Variants in PLCL1 observed in about 807,000 individuals in gnomAD.
PLCL1 encodes the protein phospholipase C like 1 (inactive), also known as inactive phospholipase C-like protein 1.
In PLCL1, 41 loss-of-function variants were observed where a neutral mutation model predicts 84.4. The observed-to-expected ratio is 0.49, with a 90% CI of 0.38 to 0.63. The LOEUF (loss-of-function observed/expected upper bound fraction) is 0.63. PLCL1 is among the 30% of genes least tolerant of loss of function. The pLI is 0.00. For missense variants in PLCL1, 1,206 were observed against 1,367.8 expected, an observed-to-expected ratio of 0.88 and a Z score of 1.87; for synonymous variants, 490 against 488.3, an observed-to-expected ratio of 1.00 and a Z score of -0.05.
chr2:198,081,604 A>G (rs1692716042), intron 1 of PLCL1, among the ~76,000 whole-genome samples: 1 of 152,210 alleles, frequency 6.6e-6, no homozygotes. Context: ...TGCAGGAGCT[A>G]AGTTGTCAAA....
intron 1 of PLCL1, among the ~76,000 whole-genome samples, chr2:198,001,263 T>G (rs1250420012): frequency 2.0e-5 from 3 of 152,234 alleles, no homozygotes; most frequent in Non-Finnish European, 2.9e-5. Context: ...AGTGAAGTGC[T>G]GCTGTCACAT....
Position 198,086,155 on chromosome 2 carries a change from C to A in PLCL1, c.2638C>A (p.Leu880Ile). The A allele has an allele frequency of 6.2e-7, 1 of 1,613,720 alleles. No homozygotes were observed. The highest frequency in any genetic ancestry group is 1.1e-5 in the South Asian group (1 of 91,072). ...REYTMLRNIGLKTIDDIFKIA... is the reference protein window; with the variant it reads ...REYTMLRNIGIKTIDDIFKIA... ...ATATACCATGCTCAGGAATATCGGT[C>A]TTAAAACCATTGATGACATCTTTAA... The change falls in exon 2 of 6, where the codon CTT becomes ATT. Residue 880 changes from leucine to isoleucine, a missense_variant. Leu to Ile is a conservative substitution (Grantham distance 5, BLOSUM62 2). Transcript: ENST00000428675.
intron 1 of PLCL1, among the ~76,000 whole-genome samples, chr2:197,867,225 C>G (rs1687565887): frequency 6.6e-6 from 1 of 152,190 alleles, no homozygotes; most frequent in African/African-American, 2.4e-5. Context: ...CCTGGCCTGA[C>G]TGATGTGGGC....
chr2:197,862,177 A>G (rs186111122), intron 1 of PLCL1, among the ~76,000 whole-genome samples: 1 of 152,322 alleles, frequency 6.6e-6, no homozygotes, highest in African/African-American at 2.4e-5. Flanking sequence ...TTAAATGATT[A>G]TGAGAATCAA....
At chr2:197,882,453 A>G (rs1379151884) in intron 1 of PLCL1, among the ~76,000 whole-genome samples, 2 of 152,146 alleles carry the variant, frequency 1.3e-5, no homozygotes, top group African/African-American at 2.4e-5. Flanking sequence ...TATACTTTCT[A>G]TTACCTGTTT....
chr2:198,093,766 C>G (rs1017530475), intron 3 of PLCL1, among the ~76,000 whole-genome samples: 1 of 152,078 alleles, frequency 6.6e-6, no homozygotes, highest in Non-Finnish European at 1.5e-5. Context: ...CAAATGTTTT[C>G]TTTTTTCAGT....
intron 1 of PLCL1, among the ~76,000 whole-genome samples, chr2:198,040,809 A>G (rs536517756): frequency 7.0e-4 from 106 of 152,320 alleles, no homozygotes; most frequent in African/African-American, 2.4e-3. Context: ...TGTGCCTTCA[A>G]TTGGTCTTCT....
chr2:198,100,819 A>G (rs1693313993), intron 3 of PLCL1, among the ~76,000 whole-genome samples: 2 of 151,692 alleles, frequency 1.3e-5, no homozygotes, highest in African/African-American at 4.8e-5. Context: ...GGGGTGGGGG[A>G]GAGACAGGGA....
intron 1 of PLCL1, among the ~76,000 whole-genome samples, chr2:197,901,108 T>C (rs552377490): frequency 2.0e-5 from 3 of 152,306 alleles, no homozygotes; most frequent in Middle Eastern, 3.4e-3. Flanking sequence ...AATAAAGATA[T>C]GTGTTTCTAA....
At chr2:198,088,433 C>A (rs1692939374) in intron 2 of PLCL1, among the ~76,000 whole-genome samples, 1 of 152,134 alleles carries the variant, frequency 6.6e-6, no homozygotes, top group East Asian at 1.9e-4. Context: ...CTGTCAGGTG[C>A]CTTTCTGATG....
intron 5 of PLCL1, among the ~76,000 whole-genome samples, chr2:198,145,442 T>C (rs977958781): frequency 1.3e-5 from 2 of 152,202 alleles, no homozygotes; most frequent in African/African-American, 4.8e-5. Context: ...TAGTCCCAGC[T>C]CAGCGATTAA....
At chr2:198,039,514 G>A (rs1415793196) in intron 1 of PLCL1, among the ~76,000 whole-genome samples, 1 of 152,048 alleles carries the variant, frequency 6.6e-6, no homozygotes, top group Non-Finnish European at 1.5e-5. Context: ...TGTATACTGT[G>A]TTTTTTATTT....
chr2:197,828,672 T>C (rs1162008554), intron 1 of PLCL1, among the ~76,000 whole-genome samples: 4 of 152,184 alleles, frequency 2.6e-5, no homozygotes, highest in Non-Finnish European at 5.9e-5. Context: ...GGGCAGAAAC[T>C]TGATTGCTGA....
intron 1 of PLCL1, among the ~76,000 whole-genome samples, chr2:198,000,484 G>A (rs1005508802): frequency 4.6e-5 from 7 of 152,136 alleles, no homozygotes; most frequent in African/African-American, 1.4e-4. Context: ...GAAATTTAGT[G>A]AGTTGAAAGT....
chr2:197,891,395 C>T (rs1007963788), intron 1 of PLCL1, among the ~76,000 whole-genome samples: 1 of 152,110 alleles, frequency 6.6e-6, no homozygotes. Context: ...GTTCTGTCTC[C>T]CAGAGAGCAT....
intron 1 of PLCL1, among the ~76,000 whole-genome samples, chr2:197,923,841 AC>A (rs1688774759): frequency 6.6e-6 from 1 of 151,414 alleles, no homozygotes; most frequent in African/African-American, 2.4e-5. Context: ...AGCCGAGATC[AC>A]GCCATTGCAC....
At chr2:197,984,617 A>G (rs1191992055) in intron 1 of PLCL1, among the ~76,000 whole-genome samples, 1 of 152,206 alleles carries the variant, frequency 6.6e-6, no homozygotes, top group Admixed American at 6.5e-5. Context: ...GGTCCATAAT[A>G]CCAACTTGTT....
chr2:197,830,619 C>A (rs1343991566), intron 1 of PLCL1, among the ~76,000 whole-genome samples: 2 of 152,068 alleles, frequency 1.3e-5, no homozygotes, highest in Non-Finnish European at 2.9e-5. Flanking sequence ...TCCAGGAGAA[C>A]TTCCCCAACC....
chr2:197,991,426 C>T (rs185618481), intron 1 of PLCL1, among the ~76,000 whole-genome samples: 2 of 152,204 alleles, frequency 1.3e-5, no homozygotes, highest in Admixed American at 1.3e-4. Context: ...CTCATTCTCT[C>T]CTTTCCTCTC....
Sources: gnomAD v4.1 joint callset for allele counts (sites outside exome capture counted in the v4.1 genomes callset) on GRCh38, gnomAD v4.1.1 for gene constraint, MANE v1.5 for transcripts, NCBI Gene and HGNC (gene_info 2026-07-23, HGNC 2026-07-21) for gene names.